Variants in OSBPL10 observed in about 807,000 individuals in gnomAD.
OSBPL10 encodes the protein oxysterol binding protein like 10.
Under a neutral mutation model 81.7 loss-of-function variants are expected in OSBPL10, and 49 were observed. That is an observed-to-expected ratio of 0.60 (90% CI 0.48 to 0.76). OSBPL10 has a LOEUF of 0.76. Ranked by LOEUF, OSBPL10 falls within the 30% of genes least tolerant of loss-of-function variation. The pLI is 0.00. For synonymous variants in OSBPL10, 419 were observed against 383.6 expected, an observed-to-expected ratio of 1.09 and a Z score of -1.08; for missense variants, 923 against 987.8, an observed-to-expected ratio of 0.93 and a Z score of 0.88.
At chr3:31,686,280 A>C (rs1290226115) in intron 7 of OSBPL10, among the ~76,000 whole-genome samples, 2 of 152,250 alleles carry the variant, frequency 1.3e-5, no homozygotes, top group African/African-American at 4.8e-5. Context: ...AAAGGGACTA[A>C]TACAGATGTC....
chr3:32,058,011 A>C (rs1186049134), intron 1 of OSBPL10, among the ~76,000 whole-genome samples: 2 of 152,254 alleles, frequency 1.3e-5, no homozygotes, highest in Non-Finnish European at 2.9e-5. Context: ...TCAAAGAATT[A>C]ATAATTCATG....
rs112438113 is a variant in OSBPL10, at chr3:31,848,388, G to A, written c.538-18157C>T. ...AGACATACGGCAAGTTCAAGGTCAC[G>A]GTGGAAAATGTTTTGTGAGTCTCAT... On this transcript the variant is annotated intron_variant, in intron 3 of 11. Transcript: ENST00000396556. Among the ~76,000 whole-genome samples the A allele has an allele frequency of 5.7e-3, 871 of 151,796 alleles. 4 individuals are homozygous for A. Among genetic ancestry groups the A allele is most frequent in the Non-Finnish European group, 9.8e-3 (669 of 67,948 alleles).
At chr3:31,920,994 C>A (rs2125706076) in intron 1 of OSBPL10, among the ~76,000 whole-genome samples, 1 of 152,222 alleles carries the variant, frequency 6.6e-6, no homozygotes, top group East Asian at 1.9e-4. Context: ...ATAAATTACC[C>A]AGTCTCAGGT....
At chr3:31,735,320 G>T (rs1337667037) in intron 5 of OSBPL10, among the ~76,000 whole-genome samples, 12 of 152,148 alleles carry the variant, frequency 7.9e-5, no homozygotes, top group African/African-American at 2.9e-4. Flanking sequence ...TGCACCTATA[G>T]TTGCAGCTAC....
chr3:31,872,460 T>C (rs930252582), intron 3 of OSBPL10, among the ~76,000 whole-genome samples: 1 of 151,838 alleles, frequency 6.6e-6, no homozygotes, highest in Admixed American at 6.6e-5. Context: ...TTGTTTTTTT[T>C]TTTTTTTTAA....
At chr3:31,873,486 T>C (rs1429822774) in intron 3 of OSBPL10, among the ~76,000 whole-genome samples, 1 of 152,198 alleles carries the variant, frequency 6.6e-6, no homozygotes, top group Non-Finnish European at 1.5e-5. Context: ...GCTCTACAGT[T>C]CTATGCATCT....
intron 1 of OSBPL10, among the ~76,000 whole-genome samples, chr3:31,965,205 TA>T (rs1376346456): frequency 8.0e-5 from 12 of 150,630 alleles, no homozygotes; most frequent in Non-Finnish European, 1.2e-4. Flanking sequence ...CCGTCTCTAC[TA>T]AAAATACAAA....
chr3:31,672,361 C>CGGGG (rs61186495), intron 8 of OSBPL10, among the ~76,000 whole-genome samples: 1 of 53,736 alleles, frequency 1.9e-5, no homozygotes, highest in African/African-American at 5.5e-5. Context: ...TTTGCGGGGG[C>CGGGG]GGGGGGGGGG....
At chr3:31,842,135 T>C (rs1172415522) in intron 3 of OSBPL10, among the ~76,000 whole-genome samples, 1 of 152,216 alleles carries the variant, frequency 6.6e-6, no homozygotes, top group Admixed American at 6.5e-5. Context: ...CTTGGAACTT[T>C]AGAGCTAAAG....
intron 1 of OSBPL10, among the ~76,000 whole-genome samples, chr3:31,965,731 A>C (rs1345572307): frequency 1.5e-4 from 11 of 73,794 alleles, no homozygotes; most frequent in Non-Finnish European, 2.3e-4. Context: ...TATAATATAT[A>C]TTATCTATTT....
At chr3:31,845,280 G>A (rs985571129) in intron 3 of OSBPL10, among the ~76,000 whole-genome samples, 2 of 152,192 alleles carry the variant, frequency 1.3e-5, no homozygotes, top group African/African-American at 4.8e-5. Flanking sequence ...GGAACATACA[G>A]AATATTTTAT....
chr3:31,753,254 C>A (rs1489168535), intron 4 of OSBPL10, among the ~76,000 whole-genome samples: 1 of 151,068 alleles, frequency 6.6e-6, no homozygotes, highest in Non-Finnish European at 1.5e-5. Context: ...ATAGCTTGAC[C>A]TCAGCTCACC....
chr3:31,912,317 A>G (rs1696603500), intron 1 of OSBPL10, among the ~76,000 whole-genome samples: 1 of 151,594 alleles, frequency 6.6e-6, no homozygotes, highest in Admixed American at 6.6e-5. Context: ...TCATTTGAAC[A>G]CAGGAGGCAG....
chr3:31,979,216 G>A (rs1698763382), intron 1 of OSBPL10, among the ~76,000 whole-genome samples: 4 of 152,048 alleles, frequency 2.6e-5, no homozygotes, highest in Admixed American at 6.5e-5. Context: ...CAGCTTTCAC[G>A]AATTGAAAGG....
chr3:31,939,092 T>C (rs774973567), intron 1 of OSBPL10, among the ~76,000 whole-genome samples: 8 of 151,508 alleles, frequency 5.3e-5, no homozygotes, highest in Non-Finnish European at 1.2e-4. Context: ...TGCTCTCTTA[T>C]GCTCTCACAC....
intron 4 of OSBPL10, among the ~76,000 whole-genome samples, chr3:31,797,158 C>T (rs1443508231): frequency 6.6e-6 from 1 of 151,958 alleles, no homozygotes; most frequent in Non-Finnish European, 1.5e-5. Context: ...CGACGCCCAG[C>T]TAATTTTTGT....
chr3:31,678,160 C>A (rs75461153), intron 8 of OSBPL10, among the ~76,000 whole-genome samples: 6,738 of 150,758 alleles, frequency 0.045, 383 homozygotes, highest in East Asian at 0.32. Context: ...AAAAGGACCT[C>A]ATCACTCTCT....
chr3:32,007,314 C>T (rs4955120), intron 2 of OSBPL10, among the ~76,000 whole-genome samples: 149,468 of 152,330 alleles, frequency 0.98, 73,331 homozygotes, highest in East Asian at 1. Context: ...AGTAAAAGAA[C>T]TATATGTTTC....
chr3:31,725,916 G>A (rs1178301754), intron 6 of OSBPL10, among the ~76,000 whole-genome samples: 1 of 152,218 alleles, frequency 6.6e-6, no homozygotes, highest in East Asian at 1.9e-4. Context: ...AGTTTCCAGA[G>A]AAGAATCACA....
Sources: allele counts gnomAD v4.1 joint callset (sites outside exome capture counted in the v4.1 genomes callset), GRCh38; gene constraint gnomAD v4.1.1; transcripts MANE v1.5; gene names NCBI Gene and HGNC (gene_info 2026-07-23, HGNC 2026-07-21).